Variants in PLPPR1 observed in about 807,000 individuals in gnomAD.
PLPPR1 encodes phospholipid phosphatase-related protein type 1.
A neutral mutation model predicts 33.1 loss-of-function variants in PLPPR1; 10 were observed. The ratio of observed to expected loss-of-function variants is 0.30; its 90% CI spans 0.19 to 0.51. The LOEUF (loss-of-function observed/expected upper bound fraction) is 0.51, where lower values mean the gene tolerates loss of function less well. Ranked by LOEUF, PLPPR1 falls within the 20% of genes least tolerant of loss-of-function variation. PLPPR1 has a pLI of 0.97. For synonymous variants in PLPPR1, 151 were observed against 151.0 expected (o/e 1.00, Z 0.00); for missense variants, 304 against 408.1 (o/e 0.74, Z 2.20).
At chr9:101,100,080 T>C (rs1454911330) in intron 1 of PLPPR1, among the ~76,000 whole-genome samples, 1 of 152,162 alleles carries the variant, frequency 6.6e-6, no homozygotes, top group Non-Finnish European at 1.5e-5. Context: ...GGGCTCATCA[T>C]TTCCTTTACA....
intron 1 of PLPPR1, among the ~76,000 whole-genome samples, chr9:101,068,662 C>T (rs530194438): frequency 6.6e-6 from 1 of 151,886 alleles, no homozygotes; most frequent in South Asian, 2.1e-4. Flanking sequence ...TCTATGATCC[C>T]TTCCCCAAAC....
At chr9:101,090,717 CAAAACAAACAAA>C (rs891159079) in intron 1 of PLPPR1, among the ~76,000 whole-genome samples, 14 of 76,060 alleles carry the variant, frequency 1.8e-4, no homozygotes, top group African/African-American at 7.2e-4. Flanking sequence ...GACTCTGTCT[CAAAACAAACAAA>C]CAAACAAACA....
At chr9:101,294,248 C>T (rs1244201673) in intron 4 of PLPPR1, among the ~76,000 whole-genome samples, 1 of 151,770 alleles carries the variant, frequency 6.6e-6, no homozygotes, top group Non-Finnish European at 1.5e-5. Context: ...CAAGACTAAA[C>T]CAGGAAGAAG....
At chr9:101,053,808 A>G (rs1194286758) in intron 1 of PLPPR1, among the ~76,000 whole-genome samples, 1 of 152,190 alleles carries the variant, frequency 6.6e-6, no homozygotes, top group Non-Finnish European at 1.5e-5. Flanking sequence ...GGCTGAGAAG[A>G]CAAGCCTTTA....
chr9:101,134,432 G>A (rs868826552), intron 1 of PLPPR1, among the ~76,000 whole-genome samples: 4 of 151,672 alleles, frequency 2.6e-5, no homozygotes, highest in South Asian at 2.1e-4. Context: ...ACCCAGGCTG[G>A]AGTGCAGTGG....
At chr9:101,225,494 C>T (rs1588082286) in intron 2 of PLPPR1, among the ~76,000 whole-genome samples, 2 of 152,280 alleles carry the variant, frequency 1.3e-5, no homozygotes, top group East Asian at 3.9e-4. Context: ...CACTGCCATA[C>T]AAGGATTTAC....
chr9:101,213,558 C>T (rs1011687552), intron 2 of PLPPR1, among the ~76,000 whole-genome samples: 5 of 152,126 alleles, frequency 3.3e-5, no homozygotes, highest in African/African-American at 1.2e-4. Flanking sequence ...TTACTGTGTG[C>T]TTTCATGTCC....
At chr9:101,099,523 T>C (rs555011122) in intron 1 of PLPPR1, among the ~76,000 whole-genome samples, 195 of 152,196 alleles carry the variant, frequency 1.3e-3, no homozygotes, top group Non-Finnish European at 2.2e-3. Flanking sequence ...AGATTGAAAA[T>C]ACATGGGGAG....
intron 1 of PLPPR1, among the ~76,000 whole-genome samples, chr9:101,066,254 T>C (rs1295682737): frequency 6.6e-6 from 1 of 152,098 alleles, no homozygotes; most frequent in Non-Finnish European, 1.5e-5. Flanking sequence ...TAGTCTGTTC[T>C]ACCCATGTCT....
intron 1 of PLPPR1, among the ~76,000 whole-genome samples, chr9:101,079,845 G>A (rs533965037): frequency 4.2e-4 from 64 of 152,238 alleles, no homozygotes; most frequent in African/African-American, 1.5e-3. Context: ...CCCAAGTGCT[G>A]GGATTACAGG....
chr9:101,252,103 A>G (rs957386893), intron 2 of PLPPR1, among the ~76,000 whole-genome samples: 6 of 152,170 alleles, frequency 3.9e-5, no homozygotes, highest in African/African-American at 1.4e-4. Flanking sequence ...ATGCAATGCC[A>G]TCATATGCCA....
chr9:101,319,176 T>G (rs1298338758), intron 7 of PLPPR1, among the ~76,000 whole-genome samples: 1 of 152,226 alleles, frequency 6.6e-6, no homozygotes. Context: ...AACTACCCTA[T>G]GCTCTTTTTT....
At chr9:101,154,776 G>C (rs1030089787) in intron 1 of PLPPR1, among the ~76,000 whole-genome samples, 1 of 152,038 alleles carries the variant, frequency 6.6e-6, no homozygotes, top group African/African-American at 2.4e-5. Flanking sequence ...GGAATACTAT[G>C]CAGCCATAAA....
intron 2 of PLPPR1, among the ~76,000 whole-genome samples, chr9:101,231,799 C>A (rs780670094): frequency 6.6e-6 from 1 of 151,988 alleles, no homozygotes; most frequent in African/African-American, 2.4e-5. Flanking sequence ...TTAAAGTAGT[C>A]GATTTTCCTT....
At chr9:101,209,587 C>T (rs534637948) in intron 2 of PLPPR1, among the ~76,000 whole-genome samples, 1 of 152,304 alleles carries the variant, frequency 6.6e-6, no homozygotes, top group South Asian at 2.1e-4. Context: ...ATCTACCAAT[C>T]ACATGAGGGA....
At chr9:101,308,251 C>T (rs908629928) in intron 4 of PLPPR1, among the ~76,000 whole-genome samples, 2 of 152,106 alleles carry the variant, frequency 1.3e-5, no homozygotes, top group East Asian at 3.8e-4. Context: ...AAGAGACAGG[C>T]AGGAGGCTCA....
intron 2 of PLPPR1, among the ~76,000 whole-genome samples, chr9:101,202,905 G>C (rs1393325245): frequency 1.3e-5 from 2 of 152,212 alleles, no homozygotes; most frequent in Non-Finnish European, 2.9e-5. Context: ...CTCAGGCACA[G>C]ATTCGCTCTT....
intron 3 of PLPPR1, 100 bp downstream of exon 3, chr9:101,270,168 C>T: frequency 8.1e-7 from 1 of 1,231,100 alleles, no homozygotes; most frequent in Non-Finnish European, 1.2e-6. Context: ...CATTCACCAG[C>T]AGTTTTATCA....
intron 5 of PLPPR1, 27 bp downstream of exon 5, chr9:101,309,488 A>AGG (rs777502368): frequency 1.2e-6 from 2 of 1,606,810 alleles, no homozygotes; most frequent in South Asian, 2.2e-5. Flanking sequence ...TGTCTCTCCT[A>AGG]AGTCCAGTTT....
Sources: gnomAD v4.1 joint callset for allele counts (sites outside exome capture counted in the v4.1 genomes callset) on GRCh38, gnomAD v4.1.1 for gene constraint, MANE v1.5 for transcripts, NCBI Gene and HGNC (gene_info 2026-07-23, HGNC 2026-07-21) for gene names.